Variants in PITPNB observed in about 807,000 individuals in gnomAD.
PITPNB encodes phosphatidylinositol transfer protein beta.
A neutral mutation model predicts 45.9 loss-of-function variants in PITPNB; 16 were observed. The observed-to-expected ratio is 0.35, with a 90% CI of 0.24 to 0.53. The LOEUF (loss-of-function observed/expected upper bound fraction) is 0.53. Among genes scored for constraint, PITPNB ranks in the 20% least tolerant of loss-of-function variants. PITPNB has a pLI of 0.93. For synonymous variants in PITPNB, 112 were observed against 108.9 expected (o/e 1.03, Z -0.18); for missense variants, 188 against 330.5 (o/e 0.57, Z 3.34).
chr22:27,898,226 C>T (rs1935488968), intron 3 of PITPNB, among the ~76,000 whole-genome samples: 1 of 151,878 alleles, frequency 6.6e-6, no homozygotes, highest in African/African-American at 2.4e-5. Context: ...AAATATAAAA[C>T]TAGCCAGGCA....
intron 3 of PITPNB, among the ~76,000 whole-genome samples, chr22:27,906,297 A>C: frequency 6.6e-6 from 1 of 152,230 alleles, no homozygotes; most frequent in African/African-American, 2.4e-5. Context: ...GGATGGACTT[A>C]TACAATTGGG....
chr22:27,918,757 C>G (rs2146440648), intron 1 of PITPNB, among the ~76,000 whole-genome samples: 1 of 152,324 alleles, frequency 6.6e-6, no homozygotes, highest in East Asian at 1.9e-4. Context: ...GGACTCCACC[C>G]CGGACGACAA....
chr22:27,882,446 G>A (rs1301135676), intron 7 of PITPNB, among the ~76,000 whole-genome samples: 1 of 152,010 alleles, frequency 6.6e-6, no homozygotes, highest in East Asian at 1.9e-4. Flanking sequence ...AACTAAAACA[G>A]GACACTGTTC....
intron 7 of PITPNB, among the ~76,000 whole-genome samples, chr22:27,892,036 A>C (rs946725451): frequency 6.6e-6 from 1 of 152,204 alleles, no homozygotes; most frequent in Non-Finnish European, 1.5e-5. Flanking sequence ...TCCATACCTC[A>C]CAACACAGAT....
chr22:27,894,685 C>T (rs1352529282), intron 6 of PITPNB, 47 bp from the exon 7 acceptor site: 4 of 1,081,306 alleles, frequency 3.7e-6, no homozygotes, highest in Non-Finnish European at 5.7e-6. Context: ...GTAGATTATT[C>T]TATTATGCTT....
intron 3 of PITPNB, among the ~76,000 whole-genome samples, chr22:27,903,801 AAAAG>A (rs2146414714): frequency 1.3e-5 from 2 of 151,646 alleles, no homozygotes; most frequent in South Asian, 4.2e-4. Context: ...AAAAAAACTA[AAAAG>A]AAAGTGGGGG....
intron 3 of PITPNB, among the ~76,000 whole-genome samples, chr22:27,899,928 CGTG>C (rs1238200812): frequency 3.3e-5 from 5 of 152,054 alleles, no homozygotes; most frequent in Admixed American, 2.6e-4. Context: ...AGAGGCCAGG[CGTG>C]GTGGCTCACG....
chr22:27,885,212 T>A (rs1229297964), intron 7 of PITPNB, among the ~76,000 whole-genome samples: 17 of 30,232 alleles, frequency 5.6e-4, no homozygotes, highest in African/African-American at 8.8e-4. Context: ...AATTTATACC[T>A]AAAAAAAAAA....
intron 7 of PITPNB, among the ~76,000 whole-genome samples, chr22:27,883,163 C>T (rs369844921): frequency 9.2e-5 from 14 of 152,198 alleles, no homozygotes; most frequent in African/African-American, 3.4e-4. Flanking sequence ...AGAACAGCTG[C>T]TGCCTGTTTC....
chr22:27,918,760 G>C (rs904481744), intron 1 of PITPNB, among the ~76,000 whole-genome samples: 1 of 152,144 alleles, frequency 6.6e-6, no homozygotes. Flanking sequence ...CTCCACCCCG[G>C]ACGACAAATC....
intron 3 of PITPNB, among the ~76,000 whole-genome samples, chr22:27,901,821 C>T (rs1033969302): frequency 6.6e-6 from 1 of 151,994 alleles, no homozygotes; most frequent in African/African-American, 2.4e-5. Context: ...GAGGTGGACG[C>T]TGCAGTGAGC....
At chr22:27,904,197 G>C (rs1935693194) in intron 3 of PITPNB, among the ~76,000 whole-genome samples, 1 of 152,216 alleles carries the variant, frequency 6.6e-6, no homozygotes, top group African/African-American at 2.4e-5. Flanking sequence ...GTTAACAGCA[G>C]CATTACTTGT....
At chr22:27,911,783 CAG>C (rs1935931651) in intron 2 of PITPNB, among the ~76,000 whole-genome samples, 1 of 152,142 alleles carries the variant, frequency 6.6e-6, no homozygotes, top group South Asian at 2.1e-4. Context: ...AGAGAACAAA[CAG>C]AAACTGTTTT....
chr22:27,914,055 T>C (rs1414221667), intron 2 of PITPNB, among the ~76,000 whole-genome samples: 2 of 152,206 alleles, frequency 1.3e-5, no homozygotes, highest in African/African-American at 4.8e-5. Flanking sequence ...CTCTGGGATG[T>C]TGGAGAAAGA....
In PITPNB at chr22:27,906,842, T is replaced by C. The variant is rs139173188; in HGVS notation, c.197+4122A>G. ...GAAACCAGACATTTCAAATGTCCCG[T>C]GCAATGAGTAACCAACTTTCAGATT... On this transcript the variant is annotated intron_variant, in intron 3 of 11. Coordinates refer to ENST00000335272, the MANE Select transcript of PITPNB (RefSeq NM_012399.5). Among the ~76,000 whole-genome samples, 478 of 152,320 alleles carry C rather than the reference T, an allele frequency of 3.1e-3. 6 individuals are homozygous for C. Among genetic ancestry groups the C allele is most frequent in the African/African-American group, 0.011 (458 of 41,572 alleles).
chr22:27,875,583 A>C (rs1033301391), intron 7 of PITPNB, among the ~76,000 whole-genome samples: 1 of 152,222 alleles, frequency 6.6e-6, no homozygotes, highest in East Asian at 1.9e-4. Flanking sequence ...TAACACCATA[A>C]AACATTTTCT....
chr22:27,913,783 A>G (rs1232912023), intron 2 of PITPNB, among the ~76,000 whole-genome samples: 2 of 152,226 alleles, frequency 1.3e-5, no homozygotes, highest in African/African-American at 4.8e-5. Flanking sequence ...AAGATGAAAT[A>G]AAAGTGCTTG....
At chr22:27,887,808 C>T (rs1051404452) in intron 7 of PITPNB, among the ~76,000 whole-genome samples, 13 of 152,146 alleles carry the variant, frequency 8.5e-5, no homozygotes, top group South Asian at 8.3e-4. Flanking sequence ...CAAGCAGAAC[C>T]GCTAACCTGC....
intron 7 of PITPNB, among the ~76,000 whole-genome samples, chr22:27,876,256 C>T (rs533869923): frequency 3.2e-4 from 49 of 152,220 alleles, no homozygotes; most frequent in Middle Eastern, 6.8e-3. Context: ...ACCAAGAAGC[C>T]GCAGCACTAG....
Sources: allele counts gnomAD v4.1 joint callset (sites outside exome capture counted in the v4.1 genomes callset), GRCh38; gene constraint gnomAD v4.1.1; transcripts MANE v1.5; gene names NCBI Gene and HGNC (gene_info 2026-07-23, HGNC 2026-07-21).